Variants in RAB3C observed in about 807,000 individuals in gnomAD.
RAB3C encodes the protein ras-related protein Rab-3C.
RAB3C carries 17 observed loss-of-function variants against 26.4 expected under a neutral mutation model. That is an observed-to-expected ratio of 0.64 (90% confidence interval 0.44 to 0.97). RAB3C has a LOEUF of 0.97. RAB3C is among the 50% of genes least tolerant of loss of function. RAB3C has a pLI of 0.00. For missense variants in RAB3C, 242 were observed against 281.9 expected (o/e 0.86, Z 1.01); for synonymous variants, 91 against 95.9 (o/e 0.95, Z 0.30).
At chr5:58,653,561 A>G (rs544337095) in intron 2 of RAB3C, among the ~76,000 whole-genome samples, 8 of 152,232 alleles carry the variant, frequency 5.3e-5, no homozygotes, top group Non-Finnish European at 1.2e-4. Context: ...ATACCCATCA[A>G]TTATAGACTG....
chr5:58,838,903 T>G (rs944415246), intron 4 of RAB3C, among the ~76,000 whole-genome samples: 2 of 152,208 alleles, frequency 1.3e-5, no homozygotes, highest in Admixed American at 6.5e-5. Context: ...GCATATATAT[T>G]TATAAGTGTT....
intron 3 of RAB3C, among the ~76,000 whole-genome samples, chr5:58,781,126 T>C (rs1475792790): frequency 1.3e-5 from 2 of 151,916 alleles, no homozygotes; most frequent in South Asian, 2.1e-4. Flanking sequence ...AATGAATGAA[T>C]AAATGGGAAA....
intron 3 of RAB3C, among the ~76,000 whole-genome samples, chr5:58,821,118 C>T (rs571137322): frequency 3.3e-5 from 5 of 152,270 alleles, no homozygotes; most frequent in African/African-American, 1.2e-4. Flanking sequence ...TCCTCAAGGA[C>T]TCATTTGTCC....
chr5:58,715,657 G>A (rs1350630548), intron 2 of RAB3C, among the ~76,000 whole-genome samples: 1 of 152,098 alleles, frequency 6.6e-6, no homozygotes, highest in African/African-American at 2.4e-5. Flanking sequence ...ATACAGAAGT[G>A]TAGTCAAGGT....
intron 2 of RAB3C, among the ~76,000 whole-genome samples, chr5:58,635,135 G>C (rs920202112): frequency 6.6e-6 from 1 of 152,190 alleles, no homozygotes; most frequent in Non-Finnish European, 1.5e-5. Context: ...TAAGTCATCA[G>C]AGCTATCACG....
intron 4 of RAB3C, among the ~76,000 whole-genome samples, chr5:58,845,031 G>A (rs1327778594): frequency 6.6e-6 from 1 of 151,294 alleles, no homozygotes; most frequent in Non-Finnish European, 1.5e-5. Context: ...GGAAGAGGTG[G>A]TTAAGTGTGC....
At chr5:58,777,818 C>T (rs1742181703) in intron 3 of RAB3C, among the ~76,000 whole-genome samples, 1 of 151,610 alleles carries the variant, frequency 6.6e-6, no homozygotes, top group Admixed American at 6.6e-5. Context: ...TTGTTCAATT[C>T]CCACCTCTAA....
At chr5:58,735,526 C>T (rs1741113315) in intron 3 of RAB3C, among the ~76,000 whole-genome samples, 1 of 152,158 alleles carries the variant, frequency 6.6e-6, no homozygotes, top group African/African-American at 2.4e-5. Flanking sequence ...GTAGACTCAA[C>T]AGCAGAAATA....
At chr5:58,582,461 G>T, upstream of RAB3C, 1 of 979,518 alleles carries the variant, frequency 1.0e-6, no homozygotes, top group East Asian at 1.1e-4. Context: ...CAGAAATCTC[G>T]CTTTCACGCA....
At chr5:58,845,704 G>A (rs1362349734) in intron 4 of RAB3C, among the ~76,000 whole-genome samples, 1 of 148,368 alleles carries the variant, frequency 6.7e-6, no homozygotes, top group Admixed American at 6.8e-5. Flanking sequence ...TTTTATAGAG[G>A]TATAATTCAT....
At chr5:58,699,260 CTG>C (rs1748786536) in intron 2 of RAB3C, among the ~76,000 whole-genome samples, 2 of 151,752 alleles carry the variant, frequency 1.3e-5, no homozygotes, top group Non-Finnish European at 2.9e-5. Flanking sequence ...TCAGCAGAGG[CTG>C]CAGAACAGCA....
intron 3 of RAB3C, among the ~76,000 whole-genome samples, chr5:58,797,086 A>C: frequency 6.6e-6 from 1 of 151,800 alleles, no homozygotes; most frequent in Non-Finnish European, 1.5e-5. Flanking sequence ...TTTAACTAAT[A>C]ATTCCACTAA....
Position 58,715,546 on chromosome 5 carries a change from C to T in RAB3C, c.253-10456C>T, listed in dbSNP as rs189252828. Among the ~76,000 whole-genome samples the T allele has an allele frequency of 2.2e-3, 334 of 152,080 alleles. 1 individual carries two copies. Among genetic ancestry groups the T allele is most frequent in the Non-Finnish European group, 3.7e-3 (250 of 67,976 alleles). On this transcript the variant is annotated intron_variant, in intron 2 of 4. Transcript: ENST00000282878. ...TGTTGTGATTAAAGATTTTAAGTGC[C>T]GGTGACACAGTAGATTTTGGAGAAT...
intron 2 of RAB3C, among the ~76,000 whole-genome samples, chr5:58,725,637 G>T (rs760829403): frequency 2.2e-4 from 33 of 151,846 alleles, no homozygotes; most frequent in Non-Finnish European, 4.1e-4. Context: ...ACTCAGTAGG[G>T]TGACTATAAT....
At chr5:58,632,057 T>G (rs1476574216) in intron 2 of RAB3C, among the ~76,000 whole-genome samples, 1 of 152,238 alleles carries the variant, frequency 6.6e-6, no homozygotes, top group African/African-American at 2.4e-5. Context: ...CTGAGACCTT[T>G]CAGCCTGGCC....
intron 2 of RAB3C, among the ~76,000 whole-genome samples, chr5:58,682,070 T>C (rs752979551): frequency 6.6e-6 from 1 of 152,122 alleles, no homozygotes; most frequent in Non-Finnish European, 1.5e-5. Context: ...TGATATGTCA[T>C]GAGGAGAAAC....
rs1744220781 is a variant in RAB3C, at chr5:58,854,716, A to G, written c.*3365A>G. On this transcript the variant is annotated 3_prime_UTR_variant, in exon 5 of 5. Coordinates refer to ENST00000282878, the MANE Select transcript of RAB3C (RefSeq NM_138453.4). Reference sequence around the variant, plus strand: ...TGCTGCCTGGTAACTAAGTGCTAAGATTTTTACTTGGAAAGAAAACTATGA... The same window carrying G: ...TGCTGCCTGGTAACTAAGTGCTAAGGTTTTTACTTGGAAAGAAAACTATGA... 6.6e-6 allele frequency: 1 copy of G among 152,152 alleles called. No individual in the cohort carries two copies. The highest frequency in any genetic ancestry group is 6.5e-5 in the Admixed American group (1 of 15,268). The allele number at this position is 152,152 out of a possible 1,614,324, so 9.4% of individuals were successfully genotyped here.
At chr5:58,639,111 C>T (rs1202786218) in intron 2 of RAB3C, among the ~76,000 whole-genome samples, 1 of 152,192 alleles carries the variant, frequency 6.6e-6, no homozygotes, top group Non-Finnish European at 1.5e-5. Context: ...TTGAGTCTTC[C>T]CTCTTTCGAA....
chr5:58,771,025 G>A (rs1742020385), intron 3 of RAB3C, among the ~76,000 whole-genome samples: 1 of 152,098 alleles, frequency 6.6e-6, no homozygotes, highest in African/African-American at 2.4e-5. Context: ...CACTATATTT[G>A]TAATTTGGCC....
Sources: allele counts gnomAD v4.1 joint callset (sites outside exome capture counted in the v4.1 genomes callset), GRCh38; gene constraint gnomAD v4.1.1; transcripts MANE v1.5; gene names NCBI Gene and HGNC (gene_info 2026-07-23, HGNC 2026-07-21).